CCDC91: variants seen among roughly 807,000 people sequenced by gnomAD.
CCDC91 encodes coiled-coil domain containing 91, also known as coiled-coil domain-containing protein 91.
CCDC91 carries 48 observed loss-of-function variants against 63.2 expected under a neutral mutation model. The observed-to-expected ratio is 0.76, with a 90% CI of 0.60 to 0.97. The LOEUF (loss-of-function observed/expected upper bound fraction) is 0.97. CCDC91 is among the 50% of genes least tolerant of loss of function. CCDC91 has a pLI of 0.00. For missense variants in CCDC91, 500 were observed against 494.6 expected (o/e 1.01, Z -0.10); for synonymous variants, 167 against 165.8 (o/e 1.01, Z -0.06).
intron 2 of CCDC91, among the ~76,000 whole-genome samples, chr12:28,258,307 C>T (rs909189620): frequency 4.1e-5 from 5 of 123,010 alleles, no homozygotes; most frequent in Non-Finnish European, 9.3e-5. Context: ...ATGTATGTTT[C>T]AGATATCATC....
At chr12:28,218,941 C>G (rs1359940074) in intron 1 of CCDC91, among the ~76,000 whole-genome samples, 2 of 152,030 alleles carry the variant, frequency 1.3e-5, no homozygotes, top group Non-Finnish European at 2.9e-5. Flanking sequence ...TTTATGTGGA[C>G]ATATGTTTTC....
In CCDC91 at chr12:28,298,880, T is replaced by C. The variant is rs74466459; in HGVS notation, c.110-6769T>C. On this transcript the variant is annotated intron_variant, in intron 3 of 12. Coordinates refer to ENST00000536442, the MANE Select transcript of CCDC91 (RefSeq NM_018318.5). ...ATTTATATTTTTAACCCAAATTTTGTCTCTAAGATTCAGTCATGTTGTTTC... is the reference window on the plus strand; with the variant it reads ...ATTTATATTTTTAACCCAAATTTTGCCTCTAAGATTCAGTCATGTTGTTTC... Among the ~76,000 whole-genome samples the C allele has an allele frequency of 3.2e-4, 49 of 151,572 alleles. No individual in the cohort carries two copies. In the East Asian group the frequency reaches 9.3e-3, roughly 29 times the overall value.
Position 28,479,026 on chromosome 12 carries a change from T to G in CCDC91, c.1102-5026T>G, listed in dbSNP as rs181338112. ...TTACACTGTTGGTGGGACTGTAAAT[T>G]AGTTCAACCATCGTGGAAGACAGTA... On this transcript the variant is annotated intron_variant, in intron 11 of 12. Transcript: ENST00000536442. Among the ~76,000 whole-genome samples the G allele has an allele frequency of 8.5e-5, 13 of 152,278 alleles. No individual in the cohort carries two copies. In the East Asian group the frequency reaches 2.5e-3, roughly 29 times the overall value.
At chr12:28,233,343 A>G (rs571105309) in intron 1 of CCDC91, among the ~76,000 whole-genome samples, 15 of 152,232 alleles carry the variant, frequency 9.9e-5, no homozygotes, top group African/African-American at 3.6e-4. Flanking sequence ...AAATTTTATA[A>G]CATGTATTCT....
intron 8 of CCDC91, among the ~76,000 whole-genome samples, chr12:28,439,315 G>A (rs184529092): frequency 6.6e-6 from 1 of 152,162 alleles, no homozygotes; most frequent in Admixed American, 6.5e-5. Context: ...TAATCTGTTG[G>A]CCCATAAATG....
At chr12:28,202,490 T>G (rs988487231) in intron 1 of CCDC91, among the ~76,000 whole-genome samples, 6 of 152,062 alleles carry the variant, frequency 3.9e-5, no homozygotes, top group Non-Finnish European at 8.8e-5. Context: ...TTGTATTCTT[T>G]TATGTGTGGC....
At chr12:28,418,641 C>G (rs934552409) in intron 8 of CCDC91, among the ~76,000 whole-genome samples, 1 of 151,950 alleles carries the variant, frequency 6.6e-6, no homozygotes, top group Non-Finnish European at 1.5e-5. Context: ...CAGATTAATA[C>G]TGTAAAATAG....
At chr12:28,458,667 A>T (rs1285491794) in intron 11 of CCDC91, among the ~76,000 whole-genome samples, 1 of 151,638 alleles carries the variant, frequency 6.6e-6, no homozygotes, top group African/African-American at 2.4e-5. Context: ...ATGGGGTTTC[A>T]CCATATTGGC....
At chr12:28,523,313 C>G (rs1372209030) in intron 12 of CCDC91, among the ~76,000 whole-genome samples, 2 of 152,274 alleles carry the variant, frequency 1.3e-5, no homozygotes, top group African/African-American at 4.8e-5. Context: ...GAATTGATCC[C>G]TTTACCATTA....
At chr12:28,518,891 A>C (rs1475520158) in intron 12 of CCDC91, among the ~76,000 whole-genome samples, 1 of 151,938 alleles carries the variant, frequency 6.6e-6, no homozygotes, top group Non-Finnish European at 1.5e-5. Context: ...TTATCCCAGC[A>C]CCATTTGTTG....
At chr12:28,442,774 GA>G (rs1471403398) in intron 8 of CCDC91, among the ~76,000 whole-genome samples, 1 of 152,012 alleles carries the variant, frequency 6.6e-6, no homozygotes, top group Non-Finnish European at 1.5e-5. Flanking sequence ...GACCGTTTTT[GA>G]AATAATTGAT....
intron 11 of CCDC91, among the ~76,000 whole-genome samples, chr12:28,474,640 A>G (rs991826375): frequency 3.9e-5 from 6 of 152,106 alleles, no homozygotes; most frequent in African/African-American, 1.2e-4. Context: ...AAAAATATCT[A>G]TGTGTTAGAT....
chr12:28,275,399 C>T (rs1054709975), intron 3 of CCDC91, among the ~76,000 whole-genome samples: 17 of 152,100 alleles, frequency 1.1e-4, no homozygotes, highest in African/African-American at 4.1e-4. Flanking sequence ...TCGACACATA[C>T]ACCCTCCCAA....
intron 8 of CCDC91, among the ~76,000 whole-genome samples, chr12:28,392,617 G>T (rs1161469676): frequency 6.6e-6 from 1 of 152,160 alleles, no homozygotes; most frequent in Non-Finnish European, 1.5e-5. Flanking sequence ...AGAAGGGAGA[G>T]AACTGGAAAT....
chr12:28,543,671 G>A (rs1246230524), intron 12 of CCDC91, among the ~76,000 whole-genome samples: 3 of 151,864 alleles, frequency 2.0e-5, no homozygotes, highest in South Asian at 2.1e-4. Context: ...TGACGTCCAC[G>A]TTTTTATTTC....
chr12:28,504,835 G>A (rs1032724896), intron 12 of CCDC91, among the ~76,000 whole-genome samples: 3 of 151,950 alleles, frequency 2.0e-5, no homozygotes, highest in Non-Finnish European at 4.4e-5. Flanking sequence ...CTTAAGTGAA[G>A]TTTAGTAGAA....
intron 12 of CCDC91, among the ~76,000 whole-genome samples, chr12:28,493,078 G>A (rs1952096409): frequency 1.3e-5 from 2 of 151,476 alleles, no homozygotes; most frequent in Non-Finnish European, 3.0e-5. Context: ...CATTTATTGG[G>A]TCCCAAGTTT....
At chr12:28,537,565 A>G (rs1942276397) in intron 12 of CCDC91, among the ~76,000 whole-genome samples, 1 of 152,188 alleles carries the variant, frequency 6.6e-6, no homozygotes, top group South Asian at 2.1e-4. Flanking sequence ...GCCTCCTTGT[A>G]CCATAAACTA....
At chr12:28,508,745 G>C (rs1265149279) in intron 12 of CCDC91, among the ~76,000 whole-genome samples, 1 of 151,826 alleles carries the variant, frequency 6.6e-6, no homozygotes, top group Non-Finnish European at 1.5e-5. Context: ...CTAAAGCCCA[G>C]AGTTTGCAAG....
Sources: allele counts gnomAD v4.1 joint callset (sites outside exome capture counted in the v4.1 genomes callset), GRCh38; gene constraint gnomAD v4.1.1; transcripts MANE v1.5; gene names NCBI Gene and HGNC (gene_info 2026-07-23, HGNC 2026-07-21).